BIN3: variants seen among roughly 807,000 people sequenced by gnomAD.
BIN3 encodes bridging integrator 3.
A neutral mutation model predicts 38.2 loss-of-function variants in BIN3; 41 were observed. The observed-to-expected ratio is 1.07, with a 90% CI of 0.84 to 1.39. The LOEUF is 1.39. BIN3 is among the 40% of genes most tolerant of loss of function. The pLI, the probability that BIN3 is intolerant of heterozygous loss-of-function variation, is 0.00. For synonymous variants in BIN3, 145 were observed against 122.6 expected (o/e 1.18, Z -1.21); for missense variants, 361 against 324.3 (o/e 1.11, Z -0.87).
At chr8:22,662,121 C>T (rs911721243) in intron 1 of BIN3, among the ~76,000 whole-genome samples, 2 of 152,196 alleles carry the variant, frequency 1.3e-5, no homozygotes, top group Non-Finnish European at 2.9e-5. Context: ...GTAAAGACAT[C>T]ACAATTTATT....
intron 1 of BIN3, among the ~76,000 whole-genome samples, chr8:22,661,349 A>ATTTTTT (rs1563985988): frequency 2.4e-4 from 16 of 66,794 alleles, no homozygotes; most frequent in African/African-American, 6.1e-4. Context: ...TGAATGTATC[A>ATTTTTT]TTCTTTTTTT....
intron 2 of BIN3, among the ~76,000 whole-genome samples, chr8:22,643,730 A>G (rs2404656): frequency 0.033 from 5,085 of 152,278 alleles, 297 homozygotes; most frequent in African/African-American, 0.11. Flanking sequence ...TCTTTCCTGT[A>G]CTTTTGAGAG....
At chr8:22,623,338 C>T (rs1345122147) in intron 8 of BIN3, among the ~76,000 whole-genome samples, 1 of 152,186 alleles carries the variant, frequency 6.6e-6, no homozygotes, top group Non-Finnish European at 1.5e-5. Flanking sequence ...GGGCCTGGCC[C>T]GTGTCTGACC....
intron 1 of BIN3, among the ~76,000 whole-genome samples, chr8:22,660,369 G>A (rs751858540): frequency 1.3e-5 from 2 of 152,242 alleles, no homozygotes; most frequent in African/African-American, 2.4e-5. Flanking sequence ...TCTCCATTCC[G>A]ATGGGCTGAC....
At chr8:22,637,748 G>A (rs1381189006) in intron 2 of BIN3, among the ~76,000 whole-genome samples, 1 of 152,246 alleles carries the variant, frequency 6.6e-6, no homozygotes, top group Non-Finnish European at 1.5e-5. Context: ...ATGACATCGA[G>A]AGGCAAAGGA....
At chr8:22,653,153 ATGTC>A (rs1354770394) in intron 1 of BIN3, among the ~76,000 whole-genome samples, 3 of 152,200 alleles carry the variant, frequency 2.0e-5, no homozygotes, top group Non-Finnish European at 4.4e-5. Flanking sequence ...TTTGTCATTA[ATGTC>A]TGTCTTTGAA....
At chr8:22,648,478 T>G (rs1035233464) in intron 1 of BIN3, among the ~76,000 whole-genome samples, 1 of 152,170 alleles carries the variant, frequency 6.6e-6, no homozygotes, top group African/African-American at 2.4e-5. Context: ...GAATGCCAAC[T>G]TGGACTTGTC....
chr8:22,626,997 C>T (rs3779730), intron 6 of BIN3, among the ~76,000 whole-genome samples: 3 of 152,182 alleles, frequency 2.0e-5, no homozygotes, highest in African/African-American at 7.2e-5. Flanking sequence ...AGGTGGCCAC[C>T]TGGCTGCATG....
intron 2 of BIN3, among the ~76,000 whole-genome samples, chr8:22,644,222 G>A (rs1802648370): frequency 6.6e-6 from 1 of 152,148 alleles, no homozygotes; most frequent in South Asian, 2.1e-4. Flanking sequence ...AACTTTCTAG[G>A]GATAAAAACT....
At chr8:22,665,453 G>C (rs1436505664) in intron 1 of BIN3, among the ~76,000 whole-genome samples, 2 of 152,216 alleles carry the variant, frequency 1.3e-5, no homozygotes, top group African/African-American at 4.8e-5. Flanking sequence ...AGCCAGCGGA[G>C]TACAGATGCT....
In BIN3 at chr8:22,621,440, GGA is replaced by G. The variant is rs1300347625; in HGVS notation, c.742_743del (p.Ser248HisfsTer5). ...EAKLSELRAL[S>X]IVADD ...CGGGGATTCAGTCATCGGCCACAAT[GGA>G]GAGGGCCCGGAGCTCACTGAGTTTG... On this transcript the variant is annotated frameshift_variant, in exon 9 of 9. Coordinates refer to ENST00000276416, the MANE Select transcript of BIN3 (RefSeq NM_018688.6). LOFTEE classifies it high-confidence loss of function. 1.9e-6 allele frequency: 3 copies of G among 1,613,446 alleles called. No individual in the cohort carries two copies. The highest frequency in any genetic ancestry group is 2.5e-6 in the Non-Finnish European group (3 of 1,179,772).
rs1801823496 is a variant in BIN3 at position 22,621,652 on chromosome 8, AC to A, written c.616-85del. On this transcript the variant is annotated intron_variant, in intron 8 of 8. Transcript: ENST00000276416. ...GGCCAGAGGCTCACACTTCTCTGCT[AC>A]CCCCTGCCCTTACCCATCTGGAGCT... is the stretch of plus-strand genomic sequence containing the variant. 4 of 1,392,120 alleles carry A rather than the reference AC, an allele frequency of 2.9e-6. No homozygotes were observed. In the Admixed American group the frequency reaches 5.2e-5, roughly 18 times the overall value. The allele number at this position is 1,392,120 out of a possible 1,614,324, so 86.2% of individuals were successfully genotyped here. A position where few individuals can be genotyped will look rare whatever the true frequency, so the allele number is the denominator to read the frequency against.
intron 1 of BIN3, among the ~76,000 whole-genome samples, chr8:22,645,523 AGGGGAG>A (rs758642618): frequency 1.3e-4 from 20 of 150,804 alleles, no homozygotes; most frequent in Non-Finnish European, 2.7e-4. Context: ...AGAAAGGGGA[AGGGGAG>A]GGGGAGGAAA....
At chr8:22,638,779 CTG>C (rs1045186923) in intron 2 of BIN3, among the ~76,000 whole-genome samples, 6 of 152,240 alleles carry the variant, frequency 3.9e-5, no homozygotes, top group African/African-American at 1.4e-4. Flanking sequence ...TTCCACAAAA[CTG>C]TGAAGTAAAA....
Position 22,621,047 on chromosome 8 carries a change from TCTTTTGGAG to T in BIN3, c.*366_*374del. 1 of 185,504 alleles carries T rather than the reference TCTTTTGGAG, an allele frequency of 5.4e-6. No individual in the cohort carries two copies. The highest frequency in any genetic ancestry group is 1.5e-4 in the East Asian group (1 of 6,624). The allele number at this position is 185,504 out of a possible 1,614,324, so 11.5% of individuals were successfully genotyped here. ...GGGCCAGAGGGCTCCCCAGGATGGG[TCTTTTGGAG>T]GTAGATTTGATGCCCACAACGCATG... is the stretch of plus-strand genomic sequence containing the variant. On this transcript the variant is annotated 3_prime_UTR_variant, in exon 9 of 9. Coordinates refer to ENST00000276416, the MANE Select transcript of BIN3 (RefSeq NM_018688.6).
At chr8:22,663,213 T>A (rs1241760571) in intron 1 of BIN3, among the ~76,000 whole-genome samples, 1 of 150,880 alleles carries the variant, frequency 6.6e-6, no homozygotes, top group Non-Finnish European at 1.5e-5. Context: ...TATAAGTGTG[T>A]GTGTGTGTGT....
At chr8:22,656,914 C>A (rs1225243123) in intron 1 of BIN3, among the ~76,000 whole-genome samples, 1 of 152,192 alleles carries the variant, frequency 6.6e-6, no homozygotes, top group African/African-American at 2.4e-5. Flanking sequence ...CTAATTAACT[C>A]TGATGTGTGA....
At chr8:22,668,485 A>C (rs1803499312) in intron 1 of BIN3, among the ~76,000 whole-genome samples, 1 of 152,228 alleles carries the variant, frequency 6.6e-6, no homozygotes, top group African/African-American at 2.4e-5. Flanking sequence ...GATTAAAACC[A>C]GTCCAATCCC....
intron 1 of BIN3, among the ~76,000 whole-genome samples, chr8:22,661,392 C>T (rs1226929417): frequency 9.2e-6 from 1 of 108,818 alleles, no homozygotes; most frequent in Non-Finnish European, 1.7e-5. Flanking sequence ...GAGTCTCGCT[C>T]TATCACCCAG....
Sources: allele counts gnomAD v4.1 joint callset (sites outside exome capture counted in the v4.1 genomes callset), GRCh38; gene constraint gnomAD v4.1.1; transcripts MANE v1.5; gene names NCBI Gene and HGNC (gene_info 2026-07-23, HGNC 2026-07-21).